PLXDC2: variants seen among roughly 807,000 people sequenced by gnomAD.
PLXDC2 encodes the protein plexin domain containing 2.
Under a neutral mutation model 68.9 loss-of-function variants are expected in PLXDC2, and 40 were observed. The ratio of observed to expected loss-of-function variants is 0.58; its 90% CI spans 0.45 to 0.76. PLXDC2 has a LOEUF of 0.76. Ranked by LOEUF, PLXDC2 falls within the 30% of genes least tolerant of loss-of-function variation. The pLI, the probability that PLXDC2 is intolerant of heterozygous loss-of-function variation, is 0.00. For missense variants in PLXDC2, 644 were observed against 661.9 expected, an observed-to-expected ratio of 0.97 and a Z score of 0.30; for synonymous variants, 243 against 234.2, an observed-to-expected ratio of 1.04 and a Z score of -0.34.
At chr10:20,150,134 C>T (rs1423450462) in intron 6 of PLXDC2, among the ~76,000 whole-genome samples, 1 of 152,076 alleles carries the variant, frequency 6.6e-6, no homozygotes, top group African/African-American at 2.4e-5. Context: ...GATTAGAGTT[C>T]CCTCTTGATG....
chr10:20,077,475 G>A (rs560746108), intron 4 of PLXDC2, among the ~76,000 whole-genome samples: 5 of 152,238 alleles, frequency 3.3e-5, no homozygotes, highest in African/African-American at 1.2e-4. Context: ...ATATTTTGTT[G>A]GCTAATTCTA....
At chr10:20,252,361 A>G (rs1277240560) in intron 13 of PLXDC2, among the ~76,000 whole-genome samples, 1 of 152,236 alleles carries the variant, frequency 6.6e-6, no homozygotes, top group African/African-American at 2.4e-5. Context: ...ACATGTTGAA[A>G]TGATAGTATC....
intron 1 of PLXDC2, among the ~76,000 whole-genome samples, chr10:19,882,736 T>C (rs757765862): frequency 1.2e-4 from 18 of 152,168 alleles, no homozygotes; most frequent in Non-Finnish European, 2.5e-4. Flanking sequence ...TCAGAAAGAT[T>C]TGTTAAATGT....
At chr10:20,141,455 A>G (rs770955449) in intron 4 of PLXDC2, among the ~76,000 whole-genome samples, 4 of 152,054 alleles carry the variant, frequency 2.6e-5, no homozygotes, top group Non-Finnish European at 5.9e-5. Flanking sequence ...ACTGCCCTCC[A>G]TCCTCCAAGT....
chr10:19,958,927 G>A (rs1358812363), intron 1 of PLXDC2, among the ~76,000 whole-genome samples: 1 of 152,118 alleles, frequency 6.6e-6, no homozygotes, highest in Non-Finnish European at 1.5e-5. Flanking sequence ...ACATTATTTT[G>A]TAGCTAACAG....
intron 4 of PLXDC2, among the ~76,000 whole-genome samples, chr10:20,109,930 C>A (rs183927680): frequency 2.6e-5 from 4 of 152,210 alleles, no homozygotes; most frequent in Non-Finnish European, 5.9e-5. Context: ...GTTCTCATTC[C>A]CAAGCATTCA....
chr10:20,116,091 C>T (rs971769320), intron 4 of PLXDC2, among the ~76,000 whole-genome samples: 1 of 152,212 alleles, frequency 6.6e-6, no homozygotes, highest in African/African-American at 2.4e-5. Context: ...TCTACAAAAG[C>T]TGCATGTTAG....
chr10:20,163,211 C>T (rs114616637), intron 6 of PLXDC2, among the ~76,000 whole-genome samples: 2,397 of 152,164 alleles, frequency 0.016, 64 homozygotes, highest in African/African-American at 0.054. Flanking sequence ...AACACTTTAA[C>T]GTTGTTTAAG....
chr10:20,057,834 G>T (rs75304767), intron 3 of PLXDC2, among the ~76,000 whole-genome samples: 1 of 151,876 alleles, frequency 6.6e-6, no homozygotes, highest in Non-Finnish European at 1.5e-5. Context: ...ACTCTCGGAC[G>T]CTGTGTTGAG....
intron 1 of PLXDC2, among the ~76,000 whole-genome samples, chr10:19,988,026 A>G (rs1271567755): frequency 1.3e-5 from 2 of 152,206 alleles, no homozygotes; most frequent in East Asian, 3.9e-4. Context: ...AAATAATTAC[A>G]CTTTTTCTTC....
At chr10:19,891,234 T>C (rs1419089719) in intron 1 of PLXDC2, among the ~76,000 whole-genome samples, 6 of 152,210 alleles carry the variant, frequency 3.9e-5, no homozygotes. Flanking sequence ...TTCTATTCTC[T>C]GGATAGTAAT....
intron 12 of PLXDC2, among the ~76,000 whole-genome samples, chr10:20,220,006 T>A (rs1302037203): frequency 1.3e-5 from 2 of 152,190 alleles, no homozygotes; most frequent in South Asian, 2.1e-4. Context: ...CATGCCTTTT[T>A]AGGCCATTGT....
At chr10:19,944,125 T>A (rs1007594842) in intron 1 of PLXDC2, among the ~76,000 whole-genome samples, 7 of 152,348 alleles carry the variant, frequency 4.6e-5, no homozygotes, top group African/African-American at 1.7e-4. Context: ...TTGGTATGCT[T>A]TCCGGTAGGT....
rs565671834 is a variant in PLXDC2, at chr10:20,013,280, A to G, written c.324+11294A>G. Among the ~76,000 whole-genome samples the G allele has an allele frequency of 3.7e-4, 57 of 152,326 alleles. 1 individual carries two copies. The highest frequency in any genetic ancestry group is 6.3e-4 in the Non-Finnish European group (43 of 68,014). ...ATTTGTGCCCAAAACAATTTGAAAG[A>G]AAAACTTACAAAGAAAACTTTAATT... On this transcript the variant is annotated intron_variant, in intron 2 of 13. Transcript: ENST00000377252.
At chr10:20,163,800 T>C (rs1564338618) in intron 6 of PLXDC2, among the ~76,000 whole-genome samples, 2 of 152,160 alleles carry the variant, frequency 1.3e-5, no homozygotes, top group African/African-American at 4.8e-5. Flanking sequence ...ATTTTTTAAC[T>C]GTAAATATTA....
intron 13 of PLXDC2, among the ~76,000 whole-genome samples, chr10:20,264,992 G>GT (rs906589914): frequency 1.3e-5 from 2 of 152,014 alleles, no homozygotes; most frequent in Non-Finnish European, 2.9e-5. Context: ...GAAAAAAAAA[G>GT]TTTTGTGCAC....
chr10:19,899,759 A>G, intron 1 of PLXDC2, among the ~76,000 whole-genome samples: 1 of 152,206 alleles, frequency 6.6e-6, no homozygotes, highest in East Asian at 1.9e-4. Flanking sequence ...ATATATTAAT[A>G]CAATAAATAC....
intron 1 of PLXDC2, among the ~76,000 whole-genome samples, chr10:19,922,771 G>A (rs182465833): frequency 6.6e-6 from 1 of 152,242 alleles, no homozygotes; most frequent in African/African-American, 2.4e-5. Context: ...AGCTTATAAA[G>A]TTGGTCTCCA....
At chr10:20,253,717 T>C (rs1835708070) in intron 13 of PLXDC2, among the ~76,000 whole-genome samples, 1 of 152,194 alleles carries the variant, frequency 6.6e-6, no homozygotes. Context: ...GTAAATTTCC[T>C]TGAGGACTCA....
Sources: allele counts gnomAD v4.1 joint callset (sites outside exome capture counted in the v4.1 genomes callset), GRCh38; gene constraint gnomAD v4.1.1; transcripts MANE v1.5; gene names NCBI Gene and HGNC (gene_info 2026-07-23, HGNC 2026-07-21).